PDIA5: variants seen among roughly 807,000 people sequenced by gnomAD.
The protein encoded by PDIA5 is protein disulfide-isomerase A5.
In PDIA5, 58 loss-of-function variants were observed where a neutral mutation model predicts 77.6. The ratio of observed to expected loss-of-function variants is 0.75; its 90% CI spans 0.61 to 0.93. The LOEUF (loss-of-function observed/expected upper bound fraction) is 0.93, where lower values mean the gene tolerates loss of function less well. Among genes scored for constraint, PDIA5 ranks in the 40% least tolerant of loss-of-function variants. PDIA5 has a pLI of 0.00. For missense variants in PDIA5, 630 were observed against 647.7 expected (o/e 0.97, Z 0.30); for synonymous variants, 250 against 252.1 (o/e 0.99, Z 0.08).
At chr3:123,082,396 G>A (rs1300225015) in intron 1 of PDIA5, among the ~76,000 whole-genome samples, 1 of 152,112 alleles carries the variant, frequency 6.6e-6, no homozygotes, top group Non-Finnish European at 1.5e-5. Flanking sequence ...CTGAGCCTCA[G>A]TTTCTTCATC....
At chr3:123,102,978 A>T (rs1211552987) in intron 5 of PDIA5, among the ~76,000 whole-genome samples, 182 bp downstream of exon 5, 1 of 152,242 alleles carries the variant, frequency 6.6e-6, no homozygotes, top group Non-Finnish European at 1.5e-5. Flanking sequence ...GTAGCTCTTA[A>T]CACAACAGAT....
At chr3:123,096,605 T>A (rs559423703) in intron 3 of PDIA5, among the ~76,000 whole-genome samples, 2 of 152,118 alleles carry the variant, frequency 1.3e-5, no homozygotes, top group African/African-American at 4.8e-5. Flanking sequence ...TATGTGCACC[T>A]ATAGGAACAC....
chr3:123,130,765 G>A lies in PDIA5; in HGVS notation c.910+149G>A, dbSNP rs1240201302. ...CAGGGGATGCAGTGGTGACAGGCGA[G>A]GTCCCCACCCTCGTAGTGCACATGG... is the stretch of plus-strand genomic sequence containing the variant. On this transcript the variant is annotated intron_variant, in intron 11 of 16. Coordinates refer to ENST00000316218, the MANE Select transcript of PDIA5 (RefSeq NM_006810.4). The A allele has an allele frequency of 3.0e-5, 24 of 812,094 alleles. 1 individual carries two copies. The South Asian group carries it at 3.7e-4, about 13-fold the overall frequency. The allele number at this position is 812,094 out of a possible 1,614,324, so 50.3% of individuals were successfully genotyped here. A position where few individuals can be genotyped will look rare whatever the true frequency, so the allele number is the denominator to read the frequency against.
chr3:123,142,038 T>A (rs1383807797), intron 11 of PDIA5, among the ~76,000 whole-genome samples: 4 of 152,174 alleles, frequency 2.6e-5, no homozygotes, highest in Non-Finnish European at 5.9e-5. Flanking sequence ...AGTATATGCA[T>A]CAGTGTGGGG....
At chr3:123,130,640 C>G (rs768810504) in intron 11 of PDIA5, 24 bp downstream of exon 11, 13 of 1,611,694 alleles carry the variant, frequency 8.1e-6, no homozygotes, top group Non-Finnish European at 1.1e-5. Flanking sequence ...TGCTCCTCCC[C>G]CTCCACACCC....
intron 1 of PDIA5, among the ~76,000 whole-genome samples, chr3:123,076,965 A>G (rs962464514): frequency 6.6e-6 from 1 of 152,270 alleles, no homozygotes; most frequent in Non-Finnish European, 1.5e-5. Context: ...CATTGTTGAC[A>G]GCAACATTTG....
chr3:123,161,645 C>CCA, intron 16 of PDIA5, 190 bp downstream of exon 16: 1 of 668,278 alleles, frequency 1.5e-6, no homozygotes, highest in South Asian at 1.9e-5. Context: ...CAAGGGGTTG[C>CCA]CACAGATGTC....
At chr3:123,145,407 C>T in intron 11 of PDIA5, 115 bp from the exon 12 acceptor site, 1 of 714,186 alleles carries the variant, frequency 1.4e-6, no homozygotes, top group East Asian at 2.6e-5. Context: ...GGTGCTGCTG[C>T]TGCTTTTCTC....
intron 3 of PDIA5, among the ~76,000 whole-genome samples, chr3:123,096,985 A>C (rs887540866): frequency 2.0e-5 from 3 of 152,092 alleles, no homozygotes; most frequent in African/African-American, 7.2e-5. Flanking sequence ...GGTGCTTGCT[A>C]CTTTCTTTTC....
At chr3:123,128,610 C>T (rs1935296077) in intron 10 of PDIA5, among the ~76,000 whole-genome samples, 1 of 152,086 alleles carries the variant, frequency 6.6e-6, no homozygotes, top group Admixed American at 6.5e-5. Flanking sequence ...TGGACTCAAG[C>T]GATCCTCCCA....
intron 8 of PDIA5, among the ~76,000 whole-genome samples, chr3:123,119,089 A>G (rs192102235): frequency 1.2e-4 from 18 of 152,152 alleles, no homozygotes; most frequent in African/African-American, 3.1e-4. Flanking sequence ...CATGTCTACA[A>G]AAAATTTTAA....
chr3:123,077,542 A>T lies in PDIA5; in HGVS notation c.42+10336A>T, dbSNP rs985767233. Among the ~76,000 whole-genome samples the T allele has an allele frequency of 3.8e-4, 51 of 134,262 alleles. No homozygotes were observed. In the East Asian group the frequency reaches 0.01, roughly 27 times the overall value. The allele number at this position is 134,262 out of a possible 152,430, so 88.1% of individuals were successfully genotyped here. A position where few individuals can be genotyped will look rare whatever the true frequency, so the allele number is the denominator to read the frequency against. ...CAGGGCCAGCCTCTTCTCCCACCTC[A>T]CACACATACACACACACACACACAC... On this transcript the variant is annotated intron_variant, in intron 1 of 16. Coordinates refer to ENST00000316218, the MANE Select transcript of PDIA5 (RefSeq NM_006810.4).
intron 11 of PDIA5, among the ~76,000 whole-genome samples, chr3:123,132,704 G>A (rs1935398145): frequency 6.6e-6 from 1 of 152,202 alleles, no homozygotes; most frequent in Non-Finnish European, 1.5e-5. Context: ...AGCTGCTGCT[G>A]GAAGCGAGTC....
intron 10 of PDIA5, among the ~76,000 whole-genome samples, chr3:123,128,177 A>T (rs836859): frequency 6.6e-6 from 1 of 152,114 alleles, no homozygotes; most frequent in Non-Finnish European, 1.5e-5. Flanking sequence ...GTTTTCAGCC[A>T]CAGGCTATAG....
chr3:123,135,692 T>C (rs1194265437), intron 11 of PDIA5, among the ~76,000 whole-genome samples: 1 of 150,992 alleles, frequency 6.6e-6, no homozygotes, highest in Non-Finnish European at 1.5e-5. Flanking sequence ...TAGTAAAATA[T>C]AGGTGATTAA....
At chr3:123,156,686 C>T (rs1358925913) in intron 15 of PDIA5, among the ~76,000 whole-genome samples, 1 of 152,166 alleles carries the variant, frequency 6.6e-6, no homozygotes, top group Admixed American at 6.5e-5. Flanking sequence ...CTCCATAGGC[C>T]CCAGGAGATC....
intron 10 of PDIA5, among the ~76,000 whole-genome samples, chr3:123,127,272 A>G (rs1210203473): frequency 6.6e-6 from 1 of 152,212 alleles, no homozygotes; most frequent in Non-Finnish European, 1.5e-5. Context: ...ATGAAGGCAG[A>G]TCAGAAGGGA....
chr3:123,105,304 C>T (rs1181985054), intron 5 of PDIA5, among the ~76,000 whole-genome samples: 2 of 152,226 alleles, frequency 1.3e-5, no homozygotes, highest in Non-Finnish European at 2.9e-5. Context: ...AACCCCTGCA[C>T]CAGGTATTTC....
intron 14 of PDIA5, among the ~76,000 whole-genome samples, chr3:123,152,124 CCTG>C: frequency 6.9e-6 from 1 of 145,568 alleles, no homozygotes; most frequent in Non-Finnish European, 1.5e-5. Flanking sequence ...TTCCTTCCTT[CCTG>C]CCTTCCTTCC....
Sources: gnomAD v4.1 joint callset for allele counts (sites outside exome capture counted in the v4.1 genomes callset) on GRCh38, gnomAD v4.1.1 for gene constraint, MANE v1.5 for transcripts, NCBI Gene and HGNC (gene_info 2026-07-23, HGNC 2026-07-21) for gene names.